ELMOD1: variants seen among roughly 807,000 people sequenced by gnomAD.
ELMOD1 encodes the protein ELMO domain containing 1.
In ELMOD1, 21 loss-of-function variants were observed where a neutral mutation model predicts 46.7. The observed-to-expected ratio is 0.45, with a 90% CI of 0.32 to 0.65. The LOEUF is 0.65. ELMOD1 is among the 30% of genes least tolerant of loss of function. ELMOD1 has a pLI of 0.04. For synonymous variants in ELMOD1, 122 were observed against 138.2 expected, an observed-to-expected ratio of 0.88 and a Z score of 0.82; for missense variants, 348 against 407.8, an observed-to-expected ratio of 0.85 and a Z score of 1.26.
At chr11:107,631,781 A>C in intron 5 of ELMOD1, 104 bp downstream of exon 5, 1 of 564,830 alleles carries the variant, frequency 1.8e-6, no homozygotes, top group Non-Finnish European at 3.0e-6. Flanking sequence ...TCTCTCCCTA[A>C]AATAATCATC....
At chr11:107,605,756 C>T (rs1865675029) in intron 1 of ELMOD1, among the ~76,000 whole-genome samples, 2 of 152,148 alleles carry the variant, frequency 1.3e-5, no homozygotes, top group African/African-American at 4.8e-5. Context: ...TAATGAGTGT[C>T]AGCAGTGTTT....
At chr11:107,630,808 C>T in intron 4 of ELMOD1, 80 bp downstream of exon 4, 1 of 1,356,534 alleles carries the variant, frequency 7.4e-7, no homozygotes, top group Non-Finnish European at 1.0e-6. Flanking sequence ...TTCTAAGAAA[C>T]CAAAATATAC....
chr11:107,618,936 G>A (rs11212301), intron 2 of ELMOD1, among the ~76,000 whole-genome samples: 16,570 of 152,210 alleles, frequency 0.11, 1,044 homozygotes, highest in African/African-American at 0.18. Context: ...TCCTGAATGT[G>A]AGAAAATACA....
At chr11:107,630,833 A>G (rs1031119387) in intron 4 of ELMOD1, 105 bp downstream of exon 4, 3 of 1,064,702 alleles carry the variant, frequency 2.8e-6, no homozygotes, top group Non-Finnish European at 4.1e-6. Context: ...GGCTAGGAAA[A>G]CTACTGCCAA....
chr11:107,657,733 A>G (rs1866659761), intron 11 of ELMOD1, among the ~76,000 whole-genome samples: 1 of 152,342 alleles, frequency 6.6e-6, no homozygotes, highest in South Asian at 2.1e-4. Context: ...ACAAAATAAG[A>G]GAGTAATCCT....
chr11:107,625,116 C>T (rs981315992), intron 2 of ELMOD1, among the ~76,000 whole-genome samples: 1 of 152,188 alleles, frequency 6.6e-6, no homozygotes, highest in Non-Finnish European at 1.5e-5. Context: ...ACCAAGTCCT[C>T]TGCAGCCTCT....
chr11:107,630,356 G>T, intron 2 of ELMOD1, 61 bp from the exon 3 acceptor site: 1 of 1,461,770 alleles, frequency 6.8e-7, no homozygotes, highest in Non-Finnish European at 9.1e-7. Flanking sequence ...TGCTGGTGGT[G>T]GCTGCTTTCT....
chr11:107,634,658 T>C (rs1381738881), intron 5 of ELMOD1, among the ~76,000 whole-genome samples: 2 of 152,122 alleles, frequency 1.3e-5, no homozygotes, highest in Non-Finnish European at 2.9e-5. Flanking sequence ...GGAGAATCAC[T>C]AGAAATCAGG....
At chr11:107,612,100 C>G (rs909843361) in intron 1 of ELMOD1, among the ~76,000 whole-genome samples, 1 of 152,146 alleles carries the variant, frequency 6.6e-6, no homozygotes, top group Non-Finnish European at 1.5e-5. Context: ...ATAACAAAGA[C>G]ATGGGATCAA....
chr11:107,624,922 T>G (rs1866015559), intron 2 of ELMOD1, among the ~76,000 whole-genome samples: 1 of 152,202 alleles, frequency 6.6e-6, no homozygotes, highest in Non-Finnish European at 1.5e-5. Flanking sequence ...CCTTAATTTT[T>G]ACTTTTTCGG....
At position 107,657,458 on chromosome 11, in the gene ELMOD1, G is replaced by A. The variant is rs144580783; in HGVS notation, c.832+1392G>A. On this transcript the variant is annotated intron_variant, in intron 11 of 11. Coordinates refer to ENST00000265840, the MANE Select transcript of ELMOD1 (RefSeq NM_018712.4). ...GAGAAGATCGCTTGAGCCCAAGGAG[G>A]CCAAGGCTGCTATGAGCTATGATTG... is the stretch of plus-strand genomic sequence containing the variant. Among the ~76,000 whole-genome samples, 707 of 152,246 alleles carry A rather than the reference G, an allele frequency of 4.6e-3. 7 individuals carry two copies. Among genetic ancestry groups the A allele is most frequent in the Non-Finnish European group, 7.0e-3 (473 of 68,022 alleles).
chr11:107,652,435 G>A (rs926525767), intron 9 of ELMOD1, among the ~76,000 whole-genome samples: 3 of 152,172 alleles, frequency 2.0e-5, no homozygotes, highest in African/African-American at 7.2e-5. Context: ...TCCCGACAAG[G>A]GGAATGCCAT....
chr11:107,654,583 C>A (rs1434030345), intron 10 of ELMOD1, among the ~76,000 whole-genome samples: 1 of 151,984 alleles, frequency 6.6e-6, no homozygotes, highest in Admixed American at 6.5e-5. Flanking sequence ...TCCTGGCTAA[C>A]ACGGTGAAAC....
chr11:107,645,419 G>A (rs1866411924), intron 6 of ELMOD1, among the ~76,000 whole-genome samples: 1 of 152,120 alleles, frequency 6.6e-6, no homozygotes. Context: ...CGCCTCCTGG[G>A]TTCAAGCAAT....
chr11:107,664,900 T>C, intron 11 of ELMOD1, 125 bp from the exon 12 acceptor site: 2 of 827,486 alleles, frequency 2.4e-6, no homozygotes, highest in Non-Finnish European at 1.9e-6. Context: ...GATTTTGAGG[T>C]CTTCTTTGAG....
At position 107,666,536 on chromosome 11, in the gene ELMOD1, A is replaced by C. The variant is rs1866848349; in HGVS notation, c.*1339A>C. On this transcript the variant is annotated 3_prime_UTR_variant, in exon 12 of 12. Transcript: ENST00000265840. ...GAAGTAAGTTGCTTAGAAAGGGAAA[A>C]GTCAAATTGTTCCAGAACTGCTAAA... 1.3e-5 allele frequency: 2 copies of C among 152,782 alleles called. No homozygotes were observed. The highest frequency in any genetic ancestry group is 2.4e-5 in the African/African-American group (1 of 41,588). 9.5% of individuals were successfully genotyped at this position (152,782 alleles called of 1,614,324 possible). A position where few individuals can be genotyped will look rare whatever the true frequency, so the allele number is the denominator to read the frequency against.
At chr11:107,592,247 A>G in intron 1 of ELMOD1, 3 of 297,776 alleles carry the variant, frequency 1.0e-5, no homozygotes, top group South Asian at 3.8e-5. Flanking sequence ...AGTTTAATGA[A>G]TATGTTGTCA....
chr11:107,600,293 CT>C (rs34543843), intron 1 of ELMOD1: 57 of 151,902 alleles, frequency 3.8e-4, no homozygotes, highest in Admixed American at 6.5e-4. Context: ...TTTGTGGCAT[CT>C]TTTTTTAGTA....
chr11:107,621,294 C>A (rs1179583372), intron 2 of ELMOD1, among the ~76,000 whole-genome samples: 1 of 152,200 alleles, frequency 6.6e-6, no homozygotes. Context: ...CAAGCTCAAA[C>A]CTCTGTGGGA....
Sources: gnomAD v4.1 joint callset for allele counts (sites outside exome capture counted in the v4.1 genomes callset) on GRCh38, gnomAD v4.1.1 for gene constraint, MANE v1.5 for transcripts, NCBI Gene and HGNC (gene_info 2026-07-23, HGNC 2026-07-21) for gene names.